PTBP1: variants seen among roughly 807,000 people sequenced by gnomAD.
PTBP1 encodes polypyrimidine tract-binding protein 1.
Under a neutral mutation model 59.8 loss-of-function variants are expected in PTBP1, and 8 were observed. The observed-to-expected ratio is 0.13, with a 90% CI of 0.08 to 0.24. PTBP1 has a LOEUF of 0.24. Ranked by LOEUF, PTBP1 falls within the 10% of genes least tolerant of loss-of-function variation. The pLI, the probability that PTBP1 is intolerant of heterozygous loss-of-function variation, is 1.00. For missense variants in PTBP1, 686 were observed against 767.0 expected, an observed-to-expected ratio of 0.89 and a Z score of 1.25; for synonymous variants, 490 against 320.7, an observed-to-expected ratio of 1.53 and a Z score of -5.64.
Position 806,273 on chromosome 19 carries a change from C to CA in PTBP1, c.971-134dup, listed in dbSNP as rs928903741. The CA allele has an allele frequency of 1.4e-4, 148 of 1,045,568 alleles. No individual in the cohort carries two copies. In the African/African-American group the frequency reaches 2.4e-3, roughly 17 times the overall value. The allele number at this position is 1,045,568 out of a possible 1,614,324, so 64.8% of individuals were successfully genotyped here. A position where few individuals can be genotyped will look rare whatever the true frequency, so the allele number is the denominator to read the frequency against. On this transcript the variant is annotated intron_variant, in intron 9 of 14. Coordinates refer to ENST00000356948, the MANE Select transcript of PTBP1 (RefSeq NM_002819.5). ...GGGGTCGGACGACCCCACAGGCACCCAGGGTAGGGCCAGAGCCAGGGCCGC... is the reference window on the plus strand; with the variant it reads ...GGGGTCGGACGACCCCACAGGCACCCAAGGGTAGGGCCAGAGCCAGGGCCGC...
At position 811,365 on chromosome 19, in the gene PTBP1, GCCTTC is replaced by G. The variant is rs1316397056; in HGVS notation, c.*545_*549del. The G allele has an allele frequency of 2.6e-5, 4 of 151,486 alleles. No homozygotes were observed. The highest frequency in any genetic ancestry group is 1.9e-4 in the East Asian group (1 of 5,208). 9.4% of individuals were successfully genotyped at this position (151,486 alleles called of 1,614,324 possible). A position where few individuals can be genotyped will look rare whatever the true frequency, so the allele number is the denominator to read the frequency against. ...ATTCTCCCTTCACCCCGCCCCCAGGGCCTTCCCTTCTGCCCCCAGGCGGGCTCCCC... is the reference window on the plus strand; with the variant it reads ...ATTCTCCCTTCACCCCGCCCCCAGGGCCTTCTGCCCCCAGGCGGGCTCCCC... On this transcript the variant is annotated 3_prime_UTR_variant, in exon 15 of 15. Coordinates refer to ENST00000356948, the MANE Select transcript of PTBP1 (RefSeq NM_002819.5).
chr19:810,508 C>A (rs747295856), intron 13 of PTBP1, 35 bp from the exon 14 acceptor site: 2 of 1,594,202 alleles, frequency 1.3e-6, no homozygotes, highest in Middle Eastern at 1.7e-4. Context: ...CCCACCCCCA[C>A]GCGGCCCCAG....
At position 799,453 on chromosome 19, in the gene PTBP1, T is replaced by G. The variant is rs2034233491; in HGVS notation, c.39+10T>G. ...AGCCGTTGGTACAAAGGTAGGCACT[T>G]CTCACTTTGCTTCTCCGTGACGCTC... On this transcript the variant is annotated intron_variant, in intron 2 of 14. Transcript: ENST00000356948. 6.2e-7 allele frequency: 1 copy of G among 1,613,458 alleles called. No homozygotes were observed.
At chr19:803,410 C>T (rs573844940) in intron 2 of PTBP1, 151 bp from the exon 3 acceptor site, 3 of 673,958 alleles carry the variant, frequency 4.5e-6, no homozygotes, top group East Asian at 5.1e-5. Flanking sequence ...TGGGTCTGCG[C>T]TCAGGCTGCC....
chr19:799,342 G>C (rs8100561), intron 1 of PTBP1, 71 bp from the exon 2 acceptor site: 443,736 of 1,455,048 alleles, frequency 0.3, 71,162 homozygotes, highest in Admixed American at 0.46. Flanking sequence ...CTCCTGGCCC[G>C]GGGACAGCTG....
Position 799,280 on chromosome 19 carries a change from G to A in PTBP1, c.9-133G>A. ...TCTGAGCTTTCTCTAGCGGGGCCTC[G>A]TGCAGCCAGAGGGAGCCCTGCGGAG... On this transcript the variant is annotated intron_variant, in intron 1 of 14. Coordinates refer to ENST00000356948, the MANE Select transcript of PTBP1 (RefSeq NM_002819.5). 6.0e-6 allele frequency: 5 copies of A among 836,316 alleles called. No individual in the cohort carries two copies. The South Asian group carries it at 6.6e-5, about 11-fold the overall frequency. The allele number at this position is 836,316 out of a possible 1,614,324, so 51.8% of individuals were successfully genotyped here. A position where few individuals can be genotyped will look rare whatever the true frequency, so the allele number is the denominator to read the frequency against.
chr19:804,552 G>C lies in PTBP1; in HGVS notation c.456G>C (p.Gln152His). ...CACAGCGGGCCCAGGCGGCCCTGCAGGCGGTGAACTCGGTCCAGTCGGGGA... is the reference window on the plus strand; with the variant it reads ...CACAGCGGGCCCAGGCGGCCCTGCACGCGGTGAACTCGGTCCAGTCGGGGA... ...PNQARAQAAL[Q>H]AVNSVQSGNL... Residue 152 changes from glutamine (Q) to histidine (H), a missense_variant, in exon 6 of 15, where the codon CAG becomes CAC. By Grantham distance (24) the Gln-to-His change is conservative. Transcript: ENST00000356948. 6.2e-7 allele frequency: 1 copy of C among 1,606,250 alleles called. No homozygotes were observed. Among genetic ancestry groups the C allele is most frequent in the South Asian group, 1.1e-5 (1 of 90,812 alleles).
In PTBP1 at chr19:805,480, A is replaced by G. The variant is rs754273772; in HGVS notation, c.893-12A>G. 6.2e-6 allele frequency: 10 copies of G among 1,610,744 alleles called. No homozygotes were observed. In the Admixed American group the frequency reaches 1.5e-4, roughly 24 times the overall value. On this transcript the variant is annotated splice_polypyrimidine_tract_variant and intron_variant, in intron 8 of 14. Transcript: ENST00000356948. ...TTGTGGGTGCGATGATTAGTGTCTC[A>G]TTTATTTCTAGGTGCACCTGGTATA...
chr19:803,999 G>T, intron 3 of PTBP1, 37 bp from the exon 4 acceptor site: 1 of 1,612,424 alleles, frequency 6.2e-7, no homozygotes. Flanking sequence ...GGGCTCCTGC[G>T]AGTTGGTGCC....
chr19:798,576 C>G (rs538325727), intron 1 of PTBP1: 1 of 152,370 alleles, frequency 6.6e-6, no homozygotes, highest in East Asian at 1.9e-4. Flanking sequence ...GACGAGGGCT[C>G]CCCGCTCTCG....
In PTBP1 at chr19:804,524, T is replaced by TC. The variant is rs1479778787; in HGVS notation, c.436-5dup. On this transcript the variant is annotated splice_polypyrimidine_tract_variant and splice_region_variant and intron_variant, in intron 5 of 14. Coordinates refer to ENST00000356948, the MANE Select transcript of PTBP1 (RefSeq NM_002819.5). ...GGGGCCGGGGACTCACGGCTGTGCC[T>TC]CCCACAGCGGGCCCAGGCGGCCCTG... The TC allele has an allele frequency of 8.8e-6, 14 of 1,599,532 alleles. No homozygotes were observed. In the East Asian group the frequency reaches 3.1e-4, roughly 36 times the overall value.
In PTBP1 at chr19:798,938, G is replaced by A. The variant is rs370025355; in HGVS notation, c.9-475G>A. 1.6e-4 allele frequency among the ~76,000 whole-genome samples: 24 copies of A among 152,356 alleles called. No homozygotes were observed. The South Asian group carries it at 4.6e-3, about 29-fold the overall frequency. Reference sequence around the variant, plus strand: ...CCTCCTGCTCTCCTCGGTGGATCGGGCTCCACTCTGCTGAGAGGCACCCTC... The same window carrying A: ...CCTCCTGCTCTCCTCGGTGGATCGGACTCCACTCTGCTGAGAGGCACCCTC... On this transcript the variant is annotated intron_variant, in intron 1 of 14. Transcript: ENST00000356948.
At chr19:806,187 G>C (rs985809866) in intron 9 of PTBP1, 3 of 484,378 alleles carry the variant, frequency 6.2e-6, no homozygotes, top group Middle Eastern at 1.1e-3. Flanking sequence ...CCCAGGCCCG[G>C]CCCGGCCCGT....
rs555921665 is a variant in PTBP1, at chr19:806,759, G to A, written c.1119+203G>A. 50 of 507,784 alleles carry A rather than the reference G, an allele frequency of 9.8e-5. No individual in the cohort carries two copies. In the South Asian group the frequency reaches 1.4e-3, roughly 14 times the overall value. 31.5% of individuals were successfully genotyped at this position (507,784 alleles called of 1,614,324 possible). On this transcript the variant is annotated intron_variant, in intron 10 of 14. Coordinates refer to ENST00000356948, the MANE Select transcript of PTBP1 (RefSeq NM_002819.5). ...TTTTCCTGAATTCACATCTTGGTTC[G>A]CGTTTTCTCTTGCATGATACGCAGA...
rs944111917 is a variant in PTBP1, at chr19:808,265, G to A, written c.1154-95G>A. 90 of 1,078,338 alleles carry A rather than the reference G, an allele frequency of 8.3e-5. No homozygotes were observed. Among genetic ancestry groups the A allele is most frequent in the Non-Finnish European group, 1.2e-4 (85 of 723,966 alleles). 66.8% of individuals were successfully genotyped at this position (1,078,338 alleles called of 1,614,324 possible). A position where few individuals can be genotyped will look rare whatever the true frequency, so the allele number is the denominator to read the frequency against. On this transcript the variant is annotated intron_variant, in intron 11 of 14. Transcript: ENST00000356948. The surrounding 1 kb of genome is among the most constrained non-coding windows in gnomAD (Gnocchi z 4.7). ...GATAAAGCAAACCCGGCCGGGCTGAGCCGGGCCTTGTGGGGGTGCGCGGGG... is the reference window on the plus strand; with the variant it reads ...GATAAAGCAAACCCGGCCGGGCTGAACCGGGCCTTGTGGGGGTGCGCGGGG...
intron 1 of PTBP1, 143 bp downstream of exon 1, chr19:797,648 C>A: frequency 2.3e-6 from 1 of 440,348 alleles, no homozygotes; most frequent in Non-Finnish European, 3.5e-6. Context: ...CTCCGCGTGG[C>A]GGGCGCGGGT....
chr19:806,280 GGGCCAGAGCCAGGGCCGCCTCCCGCGC>G, intron 9 of PTBP1, 101 bp from the exon 10 acceptor site: 1 of 1,111,610 alleles, frequency 9.0e-7, no homozygotes. Context: ...ACCCAGGGTA[GGGCCAGAGCCAGGGCCGCCTCCCGCGC>G]GGCTCGGCTC....
chr19:806,621 G>A (rs549932344), intron 10 of PTBP1, 65 bp downstream of exon 10: 64 of 1,412,638 alleles, frequency 4.5e-5, no homozygotes, highest in African/African-American at 4.4e-4. Context: ...TGTTGTGCTC[G>A]GGCTCGGGTC....
At chr19:799,051 C>T (rs113844239) in intron 1 of PTBP1, among the ~76,000 whole-genome samples, 2,137 of 152,350 alleles carry the variant, frequency 0.014, 57 homozygotes, top group African/African-American at 0.049. Flanking sequence ...TTCCAACTTA[C>T]TGGAAAGCAC....
Sources: allele counts gnomAD v4.1 joint callset (sites outside exome capture counted in the v4.1 genomes callset), GRCh38; gene constraint gnomAD v4.1.1; non-coding constraint Gnocchi (gnomAD v3.1); transcripts MANE v1.5; gene names NCBI Gene and HGNC (gene_info 2026-07-23, HGNC 2026-07-21).